POU2F1: variants seen among roughly 807,000 people sequenced by gnomAD.
POU2F1 encodes POU domain, class 2, transcription factor 1.
In POU2F1, 16 loss-of-function variants were observed where a neutral mutation model predicts 84.9. The observed-to-expected ratio is 0.19, with a 90% CI of 0.13 to 0.29. POU2F1 has a LOEUF of 0.29. POU2F1 is among the 10% of genes least tolerant of loss of function. The probability of loss-of-function intolerance (pLI) is 1.00; values close to 1 mark genes in which losing one functional copy is unlikely to be tolerated. For synonymous variants in POU2F1, 368 were observed against 368.3 expected (o/e 1.00, Z 0.01); for missense variants, 738 against 942.6 (o/e 0.78, Z 2.84).
At chr1:167,290,971 A>G (rs1369041571) in intron 1 of POU2F1, among the ~76,000 whole-genome samples, 2 of 151,286 alleles carry the variant, frequency 1.3e-5, no homozygotes, top group African/African-American at 4.9e-5. Context: ...GCTTGAACCC[A>G]GGAGTGCAAG....
chr1:167,248,320 C>G (rs892347977), intron 1 of POU2F1, among the ~76,000 whole-genome samples: 5 of 152,214 alleles, frequency 3.3e-5, no homozygotes, highest in African/African-American at 1.2e-4. Context: ...AAACAATCAT[C>G]TAAGGCTTTA....
At chr1:167,298,604 G>A (rs57222696) in intron 1 of POU2F1, among the ~76,000 whole-genome samples, 3,054 of 151,450 alleles carry the variant, frequency 0.02, 94 homozygotes, top group African/African-American at 0.069. Context: ...TTTGTATTTC[G>A]TTTTTTTTAA....
intron 1 of POU2F1, among the ~76,000 whole-genome samples, chr1:167,248,423 T>G (rs573245201): frequency 6.6e-6 from 1 of 152,252 alleles, no homozygotes; most frequent in East Asian, 1.9e-4. Flanking sequence ...ATAGAAAAGG[T>G]AGCTCCTATC....
At chr1:167,237,347 T>C (rs1300985898) in intron 1 of POU2F1, among the ~76,000 whole-genome samples, 1 of 152,236 alleles carries the variant, frequency 6.6e-6, no homozygotes, top group Non-Finnish European at 1.5e-5. Context: ...CATAAGTTTT[T>C]GTCCTACTAT....
intron 1 of POU2F1, among the ~76,000 whole-genome samples, chr1:167,307,773 C>G (rs1655181816): frequency 6.6e-6 from 1 of 152,178 alleles, no homozygotes; most frequent in Non-Finnish European, 1.5e-5. Flanking sequence ...AATTTTGCCA[C>G]TTGTCCCCAA....
chr1:167,279,595 G>A (rs1652972138), intron 1 of POU2F1, among the ~76,000 whole-genome samples: 1 of 152,210 alleles, frequency 6.6e-6, no homozygotes, highest in African/African-American at 2.4e-5. Flanking sequence ...GCTCACACCT[G>A]TAATCCCAAC....
chr1:167,327,909 GA>G (rs1656815313), intron 1 of POU2F1, among the ~76,000 whole-genome samples: 1 of 152,138 alleles, frequency 6.6e-6, no homozygotes, highest in African/African-American at 2.4e-5. Flanking sequence ...TATAAGGAAA[GA>G]AAGGGGTAAT....
At chr1:167,297,247 A>G (rs1030709827) in intron 1 of POU2F1, among the ~76,000 whole-genome samples, 3 of 152,118 alleles carry the variant, frequency 2.0e-5, no homozygotes, top group African/African-American at 7.2e-5. Flanking sequence ...CAAATTAATA[A>G]CTCTTAATAA....
intron 14 of POU2F1, among the ~76,000 whole-genome samples, chr1:167,412,715 A>G (rs1650049149): frequency 6.6e-6 from 1 of 152,254 alleles, no homozygotes; most frequent in African/African-American, 2.4e-5. Context: ...TATAAGAATT[A>G]TCTTGTAAAT....
At chr1:167,245,949 C>T (rs558678636) in intron 1 of POU2F1, among the ~76,000 whole-genome samples, 86 of 152,252 alleles carry the variant, frequency 5.6e-4, no homozygotes, top group Non-Finnish European at 9.0e-4. Flanking sequence ...CATACTCAGT[C>T]CTTACTAAAT....
At position 167,332,506 on chromosome 1, in the gene POU2F1, C is replaced by T. The variant is rs879839804; in HGVS notation, c.98C>T (p.Pro33Leu). ...RMNNPSETSK[P>L]SMESGDGNTG... ...AACAATCCGTCAGAAACCAGTAAAC[C>T]ATCTATGGAGAGTGGAGATGGCAAC... Residue 33 changes from proline to leucine, a missense_variant, in exon 2 of 16, where the codon CCA (proline) becomes CTA (leucine). By Grantham distance (98) the Pro-to-Leu change is moderately conservative (BLOSUM62 -3). This residue lies in a region of POU2F1 where 161 missense variants were observed against 147.0 expected (regional missense o/e 1.10). Coordinates refer to ENST00000367866, the MANE Select transcript of POU2F1 (RefSeq NM_002697.4). 5 of 1,609,682 alleles carry T rather than the reference C, an allele frequency of 3.1e-6. No homozygotes were observed. The highest frequency in any genetic ancestry group is 1.3e-5 in the African/African-American group (1 of 74,790).
intron 8 of POU2F1, among the ~76,000 whole-genome samples, chr1:167,384,246 A>G (rs2101880873): frequency 6.6e-6 from 1 of 152,280 alleles, no homozygotes. Context: ...AGATATTACC[A>G]CTTAAACTGG....
intron 8 of POU2F1, among the ~76,000 whole-genome samples, chr1:167,388,505 A>G (rs550279381): frequency 1.3e-5 from 2 of 152,332 alleles, no homozygotes; most frequent in East Asian, 1.9e-4. Context: ...TGTGTTATCT[A>G]TGTTAGTGAA....
intron 1 of POU2F1, among the ~76,000 whole-genome samples, chr1:167,248,973 C>A (rs1650533377): frequency 6.6e-6 from 1 of 152,194 alleles, no homozygotes; most frequent in African/African-American, 2.4e-5. Flanking sequence ...AGGATTTAAA[C>A]CCATGTTGTC....
At chr1:167,322,046 G>A (rs1656350611) in intron 1 of POU2F1, among the ~76,000 whole-genome samples, 1 of 152,214 alleles carries the variant, frequency 6.6e-6, no homozygotes, top group African/African-American at 2.4e-5. Context: ...AAATTGAGCA[G>A]ATTGAATTGG....
At chr1:167,275,534 G>A (rs17344586) in intron 1 of POU2F1, among the ~76,000 whole-genome samples, 7,677 of 152,222 alleles carry the variant, frequency 0.05, 255 homozygotes, top group Non-Finnish European at 0.073. Context: ...TAATTCAACA[G>A]TTCAGATTTT....
chr1:167,229,859 G>A (rs897217555), intron 1 of POU2F1, among the ~76,000 whole-genome samples: 3 of 152,098 alleles, frequency 2.0e-5, no homozygotes, highest in African/African-American at 7.2e-5. Flanking sequence ...ATACAGTGGA[G>A]GTGTTGCATT....
intron 4 of POU2F1, 142 bp downstream of exon 4, chr1:167,370,356 A>G: frequency 4.4e-6 from 3 of 676,628 alleles, no homozygotes; most frequent in Admixed American, 3.3e-5. Context: ...GATTCAAATA[A>G]TGATAATTAT....
chr1:167,416,054 C>T lies in POU2F1; in HGVS notation c.*244C>T, dbSNP rs1383166189. ...ATAAAACACTGTCTTTTCAGGATTG[C>T]TTCATGGATTGGAGAACTTTCTAAC... On this transcript the variant is annotated 3_prime_UTR_variant, in exon 16 of 16. Transcript: ENST00000367866. 5 of 586,978 alleles carry T rather than the reference C, an allele frequency of 8.5e-6. No individual in the cohort carries two copies. The highest frequency in any genetic ancestry group is 5.4e-5 in the South Asian group (3 of 55,614). The allele number at this position is 586,978 out of a possible 1,614,324, so 36.4% of individuals were successfully genotyped here. A position where few individuals can be genotyped will look rare whatever the true frequency, so the allele number is the denominator to read the frequency against.
Sources: gnomAD v4.1 joint callset for allele counts (sites outside exome capture counted in the v4.1 genomes callset) on GRCh38, gnomAD v4.1.1 for gene constraint, gnomAD v4.1.1 regional missense constraint, MANE v1.5 for transcripts, NCBI Gene and HGNC (gene_info 2026-07-23, HGNC 2026-07-21) for gene names.